Variants in TAFA2 observed in about 807,000 individuals in gnomAD.
The protein encoded by TAFA2 is chemokine-like protein TAFA-2.
In TAFA2, 7 loss-of-function variants were observed where a neutral mutation model predicts 18.8. The observed-to-expected ratio is 0.37, with a 90% CI of 0.21 to 0.70. The LOEUF is 0.70. Ranked by LOEUF, TAFA2 falls within the 30% of genes least tolerant of loss-of-function variation. The pLI is 0.53. For missense variants in TAFA2, 122 were observed against 158.1 expected (o/e 0.77, Z 1.23); for synonymous variants, 60 against 54.2 (o/e 1.11, Z -0.47).
upstream of TAFA2, among the ~76,000 whole-genome samples, chr12:62,193,595 G>A (rs1219364205): frequency 6.6e-6 from 1 of 152,140 alleles, no homozygotes; most frequent in Non-Finnish European, 1.5e-5. Context: ...TATCTAAAAT[G>A]CATCAAGTAA....
intron 2 of TAFA2, among the ~76,000 whole-genome samples, chr12:61,767,140 T>C (rs12300273): frequency 0.057 from 8,627 of 152,206 alleles, 809 homozygotes; most frequent in African/African-American, 0.2. Flanking sequence ...AAGAAACTTA[T>C]GACATAATCA....
chr12:61,930,182 C>T (rs149959395), intron 1 of TAFA2, among the ~76,000 whole-genome samples: 21 of 151,866 alleles, frequency 1.4e-4, no homozygotes, highest in African/African-American at 3.9e-4. Context: ...AAAAAGAAAA[C>T]GGGAAGAGAA....
At chr12:61,895,884 C>T (rs1022114333) in intron 1 of TAFA2, among the ~76,000 whole-genome samples, 1 of 151,898 alleles carries the variant, frequency 6.6e-6, no homozygotes, top group African/African-American at 2.4e-5. Flanking sequence ...CCTAAAGATA[C>T]GTGTCAGAAA....
At chr12:61,949,896 C>T (rs1221309745) in intron 1 of TAFA2, among the ~76,000 whole-genome samples, 1 of 152,104 alleles carries the variant, frequency 6.6e-6, no homozygotes, top group Non-Finnish European at 1.5e-5. Flanking sequence ...AATCGAAACT[C>T]CATACCTAGT....
intron 2 of TAFA2, among the ~76,000 whole-genome samples, chr12:61,856,675 T>C (rs1184401905): frequency 6.6e-6 from 1 of 152,000 alleles, no homozygotes; most frequent in Non-Finnish European, 1.5e-5. Flanking sequence ...CTAAATATCC[T>C]GAGTACAAAT....
At chr12:62,222,232 T>C (rs1439857953) in intron 1 of TAFA2, among the ~76,000 whole-genome samples, 1 of 152,022 alleles carries the variant, frequency 6.6e-6, no homozygotes, top group Non-Finnish European at 1.5e-5. Context: ...TAGGGAAATT[T>C]CACCTCACTT....
At chr12:61,950,260 A>G (rs1878419408) in intron 1 of TAFA2, among the ~76,000 whole-genome samples, 1 of 152,168 alleles carries the variant, frequency 6.6e-6, no homozygotes, top group Non-Finnish European at 1.5e-5. Flanking sequence ...CTCTGCTTTC[A>G]ATCATTTTAG....
chr12:61,911,718 C>A (rs1006972689), intron 1 of TAFA2, among the ~76,000 whole-genome samples: 1 of 152,018 alleles, frequency 6.6e-6, no homozygotes, highest in African/African-American at 2.4e-5. Context: ...GACAGAGAGT[C>A]ACAAATAGAA....
chr12:61,741,606 TGG>T (rs2120702358), intron 4 of TAFA2, among the ~76,000 whole-genome samples: 1 of 152,124 alleles, frequency 6.6e-6, no homozygotes, highest in South Asian at 2.1e-4. Flanking sequence ...AGAAGAGTTA[TGG>T]GCCATGCAAT....
chr12:61,957,674 T>C (rs1878744403), intron 1 of TAFA2, among the ~76,000 whole-genome samples: 2 of 152,016 alleles, frequency 1.3e-5, no homozygotes, highest in African/African-American at 2.4e-5. Context: ...CTGATGAAAG[T>C]TGGTCAAGGA....
intron 1 of TAFA2, among the ~76,000 whole-genome samples, chr12:62,257,968 G>A (rs767677019): frequency 2.6e-5 from 4 of 152,112 alleles, no homozygotes; most frequent in South Asian, 4.1e-4. Flanking sequence ...TCACTAAAAC[G>A]TTGATTGCTG....
chr12:61,871,919 T>C (rs1339297363), intron 1 of TAFA2, among the ~76,000 whole-genome samples: 3 of 152,128 alleles, frequency 2.0e-5, no homozygotes, highest in East Asian at 1.9e-4. Context: ...AGTGAAACCC[T>C]GTCTCTACTA....
intron 1 of TAFA2, among the ~76,000 whole-genome samples, chr12:62,162,125 C>T (rs938411604): frequency 6.6e-6 from 1 of 152,130 alleles, no homozygotes; most frequent in African/African-American, 2.4e-5. Context: ...GAATGTCTTT[C>T]TCAAGGACCC....
chr12:61,853,400 A>T (rs951413682), intron 2 of TAFA2, among the ~76,000 whole-genome samples: 4 of 152,058 alleles, frequency 2.6e-5, no homozygotes, highest in South Asian at 2.1e-4. Flanking sequence ...GGAAGAGTAT[A>T]AAAAAAATTT....
At chr12:61,942,176 C>G (rs1379087235) in intron 1 of TAFA2, among the ~76,000 whole-genome samples, 96 of 147,000 alleles carry the variant, frequency 6.5e-4, no homozygotes, top group Non-Finnish European at 1.3e-3. Context: ...CTGGGAGGCA[C>G]CCCCCAGCAG....
At chr12:62,046,695 C>T (rs1881917268) in intron 1 of TAFA2, among the ~76,000 whole-genome samples, 1 of 151,996 alleles carries the variant, frequency 6.6e-6, no homozygotes, top group Non-Finnish European at 1.5e-5. Flanking sequence ...CTCCCTATGC[C>T]TTACTAAATC....
chr12:62,235,427 T>C, intron 1 of TAFA2: 1 of 650,884 alleles, frequency 1.5e-6, no homozygotes, highest in Non-Finnish European at 2.8e-6. Flanking sequence ...TGCTGAGTTC[T>C]ACTTATCCTG....
intron 1 of TAFA2, among the ~76,000 whole-genome samples, chr12:62,073,885 T>C (rs1309075240): frequency 6.6e-6 from 1 of 152,204 alleles, no homozygotes; most frequent in Non-Finnish European, 1.5e-5. Context: ...AGGGATTGTC[T>C]CCAGTGAGAT....
chr12:62,090,480 G>T (rs1428807114), intron 1 of TAFA2, among the ~76,000 whole-genome samples: 1 of 152,072 alleles, frequency 6.6e-6, no homozygotes, highest in Non-Finnish European at 1.5e-5. Context: ...AAACAGAACA[G>T]TTGGCATCAC....
Sources: allele counts gnomAD v4.1 joint callset (sites outside exome capture counted in the v4.1 genomes callset), GRCh38; gene constraint gnomAD v4.1.1; transcripts MANE v1.5; gene names NCBI Gene and HGNC (gene_info 2026-07-23, HGNC 2026-07-21).